Variants in FLNB observed in about 807,000 individuals in gnomAD.
The protein encoded by FLNB is filamin-B.
FLNB carries 111 observed loss-of-function variants against 250.6 expected under a neutral mutation model. The ratio of observed to expected loss-of-function variants is 0.44; its 90% CI spans 0.38 to 0.52. FLNB has a LOEUF of 0.52. Ranked by LOEUF, FLNB falls within the 20% of genes least tolerant of loss-of-function variation. The pLI is 0.00. For synonymous variants in FLNB, 1,302 were observed against 1,372.1 expected (o/e 0.95, Z 1.13); for missense variants, 2,869 against 3,447.8 (o/e 0.83, Z 4.20).
chr3:58,051,400 G>T (rs1380770565), intron 1 of FLNB, among the ~76,000 whole-genome samples: 1 of 152,192 alleles, frequency 6.6e-6, no homozygotes, highest in Non-Finnish European at 1.5e-5. Context: ...GAGGCTTTGC[G>T]CAATAGCCTT....
rs1342917330 is a variant in FLNB, at chr3:58,121,249, G to A, written c.2872G>A (p.Val958Ile). The change falls in exon 20 of 46, where the codon GTT (valine) becomes ATT (isoleucine). Residue 958 changes from valine to isoleucine, a missense_variant. Val to Ile is a conservative substitution (Grantham distance 29). This residue lies in a region of FLNB where 1,348 missense variants were observed against 1,466.7 expected (regional missense o/e 0.92). Coordinates refer to ENST00000295956, the MANE Select transcript of FLNB (RefSeq NM_001457.4). ...TTGTGTTTCTTTTCCAGGGGTGGAA[G>A]TTGGGAAGGATCAGGAGTTCACCGT... The part of the protein sequence containing the change: ...KLNGLENRVE[V>I]GKDQEFTVDT... 2 of 1,614,166 alleles carry A rather than the reference G, an allele frequency of 1.2e-6. No homozygotes were observed. Among genetic ancestry groups the A allele is most frequent in the Non-Finnish European group, 1.7e-6 (2 of 1,180,038 alleles).
Position 58,074,061 on chromosome 3 carries a change from A to C in FLNB, c.293-2985A>C, listed in dbSNP as rs113754046. On this transcript the variant is annotated intron_variant, in intron 1 of 45. Coordinates refer to ENST00000295956, the MANE Select transcript of FLNB (RefSeq NM_001457.4). ...TGCCATTTTTCTGTTGGTTAGAATAAAGGCACAGGTTTTCCCCACACTCAG... is the reference window on the plus strand; with the variant it reads ...TGCCATTTTTCTGTTGGTTAGAATACAGGCACAGGTTTTCCCCACACTCAG... 2.8e-3 allele frequency among the ~76,000 whole-genome samples: 424 copies of C among 152,358 alleles called. 5 individuals are homozygous for C. The highest frequency in any genetic ancestry group is 9.7e-3 in the African/African-American group (402 of 41,588).
intron 1 of FLNB, among the ~76,000 whole-genome samples, chr3:58,036,128 G>T (rs2097137809): frequency 6.6e-6 from 1 of 152,186 alleles, no homozygotes; most frequent in South Asian, 2.1e-4. Context: ...AGAATGAGAA[G>T]GACGTGGACT....
chr3:58,096,032 C>A, intron 5 of FLNB, 109 bp from the exon 6 acceptor site: 1 of 816,296 alleles, frequency 1.2e-6, no homozygotes, highest in Non-Finnish European at 2.1e-6. Flanking sequence ...AGCTCGCCAG[C>A]ACCTTCAGTG....
intron 1 of FLNB, among the ~76,000 whole-genome samples, chr3:58,015,188 CT>C (rs2097104192): frequency 6.6e-6 from 1 of 152,222 alleles, no homozygotes; most frequent in Non-Finnish European, 1.5e-5. Flanking sequence ...CTTTCTGTGC[CT>C]GCTTCCCTGT....
chr3:58,065,555 G>C (rs2097184255), intron 1 of FLNB, among the ~76,000 whole-genome samples: 1 of 152,238 alleles, frequency 6.6e-6, no homozygotes, highest in East Asian at 1.9e-4. Context: ...CAGGGTCATT[G>C]TGAGGATTGC....
In FLNB at chr3:58,148,729, G is replaced by C; in HGVS notation, c.5968G>C (p.Val1990Leu). 6.2e-7 allele frequency: 1 copy of C among 1,614,076 alleles called. No homozygotes were observed. Among genetic ancestry groups the C allele is most frequent in the Non-Finnish European group, 8.5e-7 (1 of 1,180,012 alleles). ...TGGCAACCATGTGGCCAACAGCCCC[G>C]TGTCTATCATGGTGGTCCAGTCGGA... The part of the protein sequence containing the change: ...KNGNHVANSP[V>L]SIMVVQSEIG... The change falls in exon 36 of 46, where the codon GTG (valine) becomes CTG (leucine). Residue 1990 changes from valine (V) to leucine (L), a missense_variant. This residue lies in a region of FLNB where 1,084 missense variants were observed against 1,315.5 expected (regional missense o/e 0.82). Coordinates refer to ENST00000295956, the MANE Select transcript of FLNB (RefSeq NM_001457.4).
intron 28 of FLNB, among the ~76,000 whole-genome samples, chr3:58,137,213 C>T (rs2097317640): frequency 6.6e-6 from 1 of 152,162 alleles, no homozygotes; most frequent in Non-Finnish European, 1.5e-5. Flanking sequence ...AAAATCTGGG[C>T]TTTCACGGCA....
In FLNB at chr3:58,110,131, T is replaced by C. The variant is rs771156037; in HGVS notation, c.2445T>C (p.Ala815=). 21 of 1,614,114 alleles carry C rather than the reference T, an allele frequency of 1.3e-5. No homozygotes were observed. ...DTFTVKYVPP[A]AGRYTIKVLF... is the part of the protein sequence containing the mutation. ...TCACAGTCAAATATGTGCCTCCTGC[T>C]GCTGGGCGATACACTATCAAAGTTC... The change falls in exon 16 of 46, where the codon GCT becomes GCC. Residue 815 remains alanine (A), a synonymous_variant. Coordinates refer to ENST00000295956, the MANE Select transcript of FLNB (RefSeq NM_001457.4).
intron 19 of FLNB, 115 bp downstream of exon 19, chr3:58,119,104 T>G (rs2097283883): frequency 4.8e-6 from 4 of 828,212 alleles, no homozygotes; most frequent in Non-Finnish European, 8.6e-6. Flanking sequence ...GTTAAGAGAC[T>G]TTGCAGTTGC....
intron 18 of FLNB, 131 bp downstream of exon 18, chr3:58,112,449 C>A: frequency 1.1e-6 from 1 of 896,040 alleles, no homozygotes; most frequent in Non-Finnish European, 1.8e-6. Flanking sequence ...TGGGAGGCAG[C>A]TCCTGGCACT....
At chr3:58,104,965 GC>G (rs2097257291) in intron 10 of FLNB, 114 bp from the exon 11 acceptor site, 1 of 1,385,956 alleles carries the variant, frequency 7.2e-7, no homozygotes, top group African/African-American at 1.4e-5. Flanking sequence ...AGTTTGGGAT[GC>G]CAGATGAAAG....
chr3:58,028,896 G>A (rs2097127058), intron 1 of FLNB, among the ~76,000 whole-genome samples: 1 of 151,716 alleles, frequency 6.6e-6, no homozygotes, highest in Admixed American at 6.6e-5. Context: ...GATTACAGGC[G>A]ATAGCCACTG....
At chr3:58,031,872 C>T (rs574042226) in intron 1 of FLNB, among the ~76,000 whole-genome samples, 2 of 151,896 alleles carry the variant, frequency 1.3e-5, no homozygotes, top group East Asian at 1.9e-4. Context: ...TGCTGACATA[C>T]TGCATTACTA....
At chr3:58,056,482 T>C (rs898221892) in intron 1 of FLNB, among the ~76,000 whole-genome samples, 2 of 152,104 alleles carry the variant, frequency 1.3e-5, no homozygotes, top group Non-Finnish European at 2.9e-5. Context: ...TTTCACACTT[T>C]AAAAAAAGTG....
intron 12 of FLNB, among the ~76,000 whole-genome samples, chr3:58,107,525 AG>A (rs1372452051): frequency 1.3e-5 from 2 of 152,264 alleles, no homozygotes; most frequent in African/African-American, 4.8e-5. Flanking sequence ...TGGCCCATGC[AG>A]GGAGCTCCAT....
At chr3:58,048,106 T>TA (rs749091660) in intron 1 of FLNB, among the ~76,000 whole-genome samples, 179 of 151,976 alleles carry the variant, frequency 1.2e-3, no homozygotes, top group Admixed American at 3.1e-3. Context: ...TATGACAGTT[T>TA]AAAAAAAAAT....
At position 58,118,957 on chromosome 3, in the gene FLNB, T is replaced by C; in HGVS notation, c.2831T>C (p.Leu944Pro). The C allele has an allele frequency of 6.2e-7, 1 of 1,614,054 alleles. No homozygotes were observed. The highest frequency in any genetic ancestry group is 8.5e-7 in the Non-Finnish European group (1 of 1,179,908). The change falls in exon 19 of 46, where the codon CTG becomes CCG. Residue 944 changes from leucine to proline, a missense_variant. This residue lies in a region of FLNB where 1,348 missense variants were observed against 1,466.7 expected (regional missense o/e 0.92). Transcript: ENST00000295956. ...FTVGVAAPLDLSKIKLNGLEN... is the reference protein window; with the variant it reads ...FTVGVAAPLDPSKIKLNGLEN... ...GTGGGTGTTGCTGCACCGCTGGATC[T>C]GAGCAAGATAAAACTCAATGGGCTG... is the stretch of plus-strand genomic sequence containing the variant.
chr3:58,148,405 TG>T (rs1239229156), intron 35 of FLNB, 41 bp downstream of exon 35: 4 of 1,599,064 alleles, frequency 2.5e-6, no homozygotes, highest in Non-Finnish European at 3.4e-6. Context: ...CAGGACATCT[TG>T]GGTGGGAGAT....
Sources: gnomAD v4.1 joint callset for allele counts (sites outside exome capture counted in the v4.1 genomes callset) on GRCh38, gnomAD v4.1.1 for gene constraint, gnomAD v4.1.1 regional missense constraint, MANE v1.5 for transcripts, NCBI Gene and HGNC (gene_info 2026-07-23, HGNC 2026-07-21) for gene names.